The following DCC variants were observed in gnomAD, a reference collection of about 807,000 sequenced individuals.
The protein encoded by DCC is DCC netrin 1 receptor.
Under a neutral mutation model 172.5 loss-of-function variants are expected in DCC, and 58 were observed. That is an observed-to-expected ratio of 0.34 (90% CI 0.27 to 0.42). The LOEUF (loss-of-function observed/expected upper bound fraction) is 0.42, where lower values mean the gene tolerates loss of function less well. DCC is among the 10% of genes least tolerant of loss of function. The pLI is 1.00. For missense variants in DCC, 1,740 were observed against 1,791.0 expected (o/e 0.97, Z 0.51); for synonymous variants, 709 against 644.5 (o/e 1.10, Z -1.52).
chr18:53,214,652 T>G, intron 11 of DCC, among the ~76,000 whole-genome samples: 1 of 152,164 alleles, frequency 6.6e-6, no homozygotes, highest in East Asian at 1.9e-4. Context: ...ACTTTATAGA[T>G]TAATATGTGT....
intron 3 of DCC, among the ~76,000 whole-genome samples, chr18:52,920,020 C>CAAAAAAAA (rs373883714): frequency 7.0e-5 from 7 of 100,082 alleles, no homozygotes; most frequent in Non-Finnish European, 9.9e-5. Flanking sequence ...TGTCCATATA[C>CAAAAAAAA]AAAAAAAAAA....
intron 2 of DCC, among the ~76,000 whole-genome samples, chr18:52,809,748 AAC>A (rs1598825508): frequency 6.6e-6 from 1 of 152,252 alleles, no homozygotes; most frequent in East Asian, 1.9e-4. Flanking sequence ...ATAGAGTGAA[AAC>A]ACAGCTCCCA....
chr18:53,051,485 A>T (rs943799619), intron 5 of DCC, among the ~76,000 whole-genome samples: 12 of 152,042 alleles, frequency 7.9e-5, no homozygotes, highest in Non-Finnish European at 1.6e-4. Context: ...CATACCACCA[A>T]TTATTTTACT....
intron 1 of DCC, among the ~76,000 whole-genome samples, chr18:52,617,021 T>A (rs1219089646): frequency 6.6e-6 from 1 of 152,162 alleles, no homozygotes; most frequent in East Asian, 1.9e-4. Flanking sequence ...AATTACTTTT[T>A]CAATTTGCAA....
chr18:52,442,103 A>G (rs1180083713), intron 1 of DCC, among the ~76,000 whole-genome samples: 1 of 152,192 alleles, frequency 6.6e-6, no homozygotes, highest in East Asian at 1.9e-4. Context: ...TAATACAGTT[A>G]TGGAATGTGA....
At chr18:52,450,659 T>G (rs573304401) in intron 1 of DCC, among the ~76,000 whole-genome samples, 5 of 152,264 alleles carry the variant, frequency 3.3e-5, no homozygotes, top group Admixed American at 3.3e-4. Context: ...AATACAAGCC[T>G]CAGGAAGATA....
At chr18:53,502,543 AC>A (rs536627538) in intron 27 of DCC, among the ~76,000 whole-genome samples, 1,340 of 152,334 alleles carry the variant, frequency 8.8e-3, no homozygotes, top group African/African-American at 0.031. Context: ...AGAGCTTTCA[AC>A]AAGTTTTGAT....
intron 1 of DCC, among the ~76,000 whole-genome samples, chr18:52,371,521 T>G (rs1256839497): frequency 6.6e-6 from 1 of 152,156 alleles, no homozygotes; most frequent in African/African-American, 2.4e-5. Flanking sequence ...ACGAAAAGTG[T>G]TTGTTAGTTG....
chr18:52,950,000 C>A (rs991682035), intron 5 of DCC, among the ~76,000 whole-genome samples: 1 of 152,156 alleles, frequency 6.6e-6, no homozygotes, highest in Admixed American at 6.5e-5. Context: ...GACCTATGTA[C>A]ACAGGCACTC....
In DCC at chr18:52,860,856, A is replaced by G. The variant is rs2039130334; in HGVS notation, c.413-45188A>G. On this transcript the variant is annotated intron_variant, in intron 2 of 28. Transcript: ENST00000442544. ...CTACTAAAAATACAGAAAGTGAGCCAGGTGCCAGGTGTGGTGACATGTGCC... is the reference window on the plus strand; with the variant it reads ...CTACTAAAAATACAGAAAGTGAGCCGGGTGCCAGGTGTGGTGACATGTGCC... Among the ~76,000 whole-genome samples the G allele has an allele frequency of 3.9e-5, 6 of 152,120 alleles. No homozygotes were observed. The South Asian group carries it at 8.3e-4, about 21-fold the overall frequency.
intron 1 of DCC, among the ~76,000 whole-genome samples, chr18:52,422,183 A>G (rs978817190): frequency 6.6e-5 from 10 of 152,322 alleles, no homozygotes; most frequent in African/African-American, 2.4e-4. Context: ...GAATAAATGA[A>G]TGGACACAAA....
At chr18:53,522,560 C>A (rs1246623522) in intron 27 of DCC, among the ~76,000 whole-genome samples, 1 of 152,010 alleles carries the variant, frequency 6.6e-6, no homozygotes, top group African/African-American at 2.4e-5. Context: ...GGTACTGGTA[C>A]CAAAACAGAG....
intron 2 of DCC, among the ~76,000 whole-genome samples, chr18:52,870,012 C>G (rs1397059298): frequency 6.6e-6 from 1 of 151,962 alleles, no homozygotes; most frequent in African/African-American, 2.4e-5. Flanking sequence ...CTCACTGGGC[C>G]CCTTTCTGTC....
At chr18:53,000,981 A>C (rs989420614) in intron 5 of DCC, among the ~76,000 whole-genome samples, 1 of 151,494 alleles carries the variant, frequency 6.6e-6, no homozygotes, top group African/African-American at 2.4e-5. Context: ...AGGCGTGAGG[A>C]TGTGTTACTG....
At chr18:53,132,568 T>C (rs1033540591) in intron 7 of DCC, among the ~76,000 whole-genome samples, 5 of 152,170 alleles carry the variant, frequency 3.3e-5, no homozygotes, top group Non-Finnish European at 7.3e-5. Context: ...TATCCCAATA[T>C]GTATCTTATT....
At chr18:53,314,038 A>G (rs2057315628) in intron 13 of DCC, among the ~76,000 whole-genome samples, 1 of 152,180 alleles carries the variant, frequency 6.6e-6, no homozygotes, top group Non-Finnish European at 1.5e-5. Flanking sequence ...TCACTTTTAC[A>G]GGCAATTTTT....
At chr18:52,612,864 C>G (rs1207251749) in intron 1 of DCC, among the ~76,000 whole-genome samples, 1 of 152,220 alleles carries the variant, frequency 6.6e-6, no homozygotes. Context: ...CAGCTGATGA[C>G]TGACCACTTC....
Position 53,288,332 on chromosome 18 carries a change from T to G in DCC, c.1912-17246T>G, listed in dbSNP as rs1214801198. Among the ~76,000 whole-genome samples, 4 of 152,166 alleles carry G rather than the reference T, an allele frequency of 2.6e-5. No individual in the cohort carries two copies. The South Asian group carries it at 8.3e-4, about 31-fold the overall frequency. ...TTTTTCCTAATAACTATTGTTCTGATGGACAATGGCATATTCTGAACTACT... is the reference window on the plus strand; with the variant it reads ...TTTTTCCTAATAACTATTGTTCTGAGGGACAATGGCATATTCTGAACTACT... On this transcript the variant is annotated intron_variant, in intron 12 of 28. Coordinates refer to ENST00000442544, the MANE Select transcript of DCC (RefSeq NM_005215.4).
chr18:53,218,389 G>T (rs1375577615), intron 12 of DCC, among the ~76,000 whole-genome samples: 2 of 152,072 alleles, frequency 1.3e-5, no homozygotes, highest in South Asian at 2.1e-4. Flanking sequence ...TTAAGGTTTT[G>T]GTCACCCGTA....
Sources: allele counts gnomAD v4.1 joint callset (sites outside exome capture counted in the v4.1 genomes callset), GRCh38; gene constraint gnomAD v4.1.1; transcripts MANE v1.5; gene names NCBI Gene and HGNC (gene_info 2026-07-23, HGNC 2026-07-21).